The following COL15A1 variants were observed in gnomAD, a reference collection of about 807,000 sequenced individuals.
The protein encoded by COL15A1 is collagen alpha-1(XV) chain.
In COL15A1, 111 loss-of-function variants were observed where a neutral mutation model predicts 165.9. That is an observed-to-expected ratio of 0.67 (90% CI 0.57 to 0.78). COL15A1 has a LOEUF of 0.78. COL15A1 is among the 30% of genes least tolerant of loss of function. The pLI, the probability that COL15A1 is intolerant of heterozygous loss-of-function variation, is 0.00. For synonymous variants in COL15A1, 659 were observed against 674.8 expected, an observed-to-expected ratio of 0.98 and a Z score of 0.36; for missense variants, 1,745 against 1,789.7, an observed-to-expected ratio of 0.98 and a Z score of 0.45.
In COL15A1 at chr9:99,015,575, C is replaced by A. The variant is rs1056786986; in HGVS notation, c.1503+9C>A. The A allele has an allele frequency of 2.5e-6, 4 of 1,612,524 alleles. No homozygotes were observed. The highest frequency in any genetic ancestry group is 3.3e-5 in the Admixed American group (2 of 59,934). On this transcript the variant is annotated intron_variant, in intron 10 of 41. Coordinates refer to ENST00000375001, the MANE Select transcript of COL15A1 (RefSeq NM_001855.5). Reference sequence around the variant, plus strand: ...AGCGGGCAGTCACTTCTGTAAGTGTCATCTTGTGTCCTCTCTGGCTCACAG... The same window carrying A: ...AGCGGGCAGTCACTTCTGTAAGTGTAATCTTGTGTCCTCTCTGGCTCACAG...
chr9:99,009,604 A>G (rs995115084), intron 9 of COL15A1, among the ~76,000 whole-genome samples: 4 of 152,220 alleles, frequency 2.6e-5, no homozygotes, highest in Non-Finnish European at 5.9e-5. Flanking sequence ...TAAAAAGTAT[A>G]AAACACTTGA....
intron 9 of COL15A1, among the ~76,000 whole-genome samples, chr9:99,007,630 C>A (rs535909450): frequency 2.0e-5 from 3 of 152,138 alleles, no homozygotes; most frequent in Non-Finnish European, 4.4e-5. Flanking sequence ...GAAGAACAAT[C>A]CTGGAAAATT....
At position 99,000,881 on chromosome 9, in the gene COL15A1, C is replaced by G. The variant is rs145241405; in HGVS notation, c.995C>G (p.Ser332Cys). Residue 332 changes from serine to cysteine, a missense_variant, in exon 7 of 42, where the codon TCT (serine) becomes TGT (cysteine). By Grantham distance (112) the Ser-to-Cys change is moderately radical. Transcript: ENST00000375001. ...ILNDTLEGVH[S>C]VDGDPITDSG... ...AATGACACACTGGAGGGGGTTCATT[C>G]TGTGGATGGTGACCCCATTACTGAC... The G allele has an allele frequency of 3.1e-6, 5 of 1,605,520 alleles. No homozygotes were observed. The African/African-American group carries it at 6.7e-5, about 21-fold the overall frequency.
At chr9:98,994,956 T>G (rs966912368) in intron 5 of COL15A1, among the ~76,000 whole-genome samples, 5 of 152,004 alleles carry the variant, frequency 3.3e-5, no homozygotes, top group African/African-American at 1.2e-4. Flanking sequence ...CACCCTGAGT[T>G]ACAGAGCTCA....
chr9:98,962,304 C>G (rs559709835), intron 2 of COL15A1, among the ~76,000 whole-genome samples: 1 of 152,088 alleles, frequency 6.6e-6, no homozygotes, highest in Admixed American at 6.6e-5. Flanking sequence ...TGGTTGTACC[C>G]GTGAGACGTG....
chr9:99,005,147 C>T (rs1422239647), intron 9 of COL15A1, 97 bp downstream of exon 9: 1 of 1,287,532 alleles, frequency 7.8e-7, no homozygotes, highest in African/African-American at 1.5e-5. Context: ...CCCATGGGAG[C>T]CTGAGGCACG....
chr9:98,994,041 T>G (rs1188401090), intron 5 of COL15A1, among the ~76,000 whole-genome samples: 1 of 151,464 alleles, frequency 6.6e-6, no homozygotes, highest in African/African-American at 2.4e-5. Flanking sequence ...AGTTCTATGC[T>G]GTTGGAATTA....
chr9:98,998,150 T>C (rs1838580771), intron 6 of COL15A1, among the ~76,000 whole-genome samples: 1 of 152,252 alleles, frequency 6.6e-6, no homozygotes, highest in Admixed American at 6.5e-5. Flanking sequence ...GTGTATTAGA[T>C]ACATCACATA....
chr9:98,981,828 C>T (rs2118872819), intron 2 of COL15A1, among the ~76,000 whole-genome samples: 1 of 152,210 alleles, frequency 6.6e-6, no homozygotes, highest in East Asian at 1.9e-4. Context: ...TTTTTAGAGA[C>T]AGGTCTCACT....
At chr9:99,064,325 G>A (rs1825861737) in intron 39 of COL15A1, among the ~76,000 whole-genome samples, 1 of 152,036 alleles carries the variant, frequency 6.6e-6, no homozygotes, top group Non-Finnish European at 1.5e-5. Context: ...TGAGTTTGAA[G>A]GTCTAAGGCC....
chr9:99,017,494 A>G (rs1042130052), intron 11 of COL15A1, among the ~76,000 whole-genome samples: 4 of 152,184 alleles, frequency 2.6e-5, no homozygotes, highest in African/African-American at 9.6e-5. Flanking sequence ...GTCATCATCT[A>G]TAAAAGGAAA....
rs1564043324 is a variant in COL15A1, at chr9:99,000,858, T to G, written c.972T>G (p.Asn324Lys). 2.5e-6 allele frequency: 4 copies of G among 1,583,512 alleles called. No homozygotes were observed. The highest frequency in any genetic ancestry group is 3.5e-6 in the Non-Finnish European group (4 of 1,153,004). Residue 324 changes from asparagine (N) to lysine (K), a missense_variant, in exon 7 of 42, where the codon AAT (asparagine) becomes AAG (lysine). Transcript: ENST00000375001. ...CTGTAGGGTCTGGTGAGATCCTGAA[T>G]GACACACTGGAGGGGGTTCATTCTG... ...SPKQGSGEIL[N>K]DTLEGVHSVD...
chr9:98,971,754 G>A (rs183353737), intron 2 of COL15A1, among the ~76,000 whole-genome samples: 7 of 152,362 alleles, frequency 4.6e-5, no homozygotes, highest in Middle Eastern at 3.4e-3. Context: ...GCGCATGCAC[G>A]TGGGCATGTG....
At chr9:99,028,652 G>GA (rs796117603) in intron 16 of COL15A1, among the ~76,000 whole-genome samples, 20 of 151,496 alleles carry the variant, frequency 1.3e-4, no homozygotes, top group African/African-American at 4.4e-4. Flanking sequence ...TCCGTCTCCA[G>GA]AAAAAATTGA....
In COL15A1 at chr9:98,959,240, A is replaced by AAAC. The variant is rs1837827892; in HGVS notation, c.100+14992_100+14993insCAA. On this transcript the variant is annotated intron_variant, in intron 2 of 41. Coordinates refer to ENST00000375001, the MANE Select transcript of COL15A1 (RefSeq NM_001855.5). ...ACCCTGTCTCTACAAAAAAAAAAAAAAAAAAAACTAAAAACTAAAATGATC... is the reference window on the plus strand; with the variant it reads ...ACCCTGTCTCTACAAAAAAAAAAAAAAACAAAAAAACTAAAAACTAAAATGATC... Among the ~76,000 whole-genome samples, 5 of 151,558 alleles carry AAAC rather than the reference A, an allele frequency of 3.3e-5. No individual in the cohort carries two copies. The South Asian group carries it at 8.4e-4, about 25-fold the overall frequency.
chr9:99,033,994 G>T (rs1259500523), intron 16 of COL15A1, among the ~76,000 whole-genome samples: 1 of 152,076 alleles, frequency 6.6e-6, no homozygotes, highest in Admixed American at 6.6e-5. Context: ...CTGTAGTGTG[G>T]TCCCCACTGG....
At chr9:98,949,921 GAA>G (rs911144228) in intron 2 of COL15A1, among the ~76,000 whole-genome samples, 2 of 152,284 alleles carry the variant, frequency 1.3e-5, no homozygotes, top group African/African-American at 4.8e-5. Flanking sequence ...GATATTTCAT[GAA>G]AATGGAATCA....
intron 12 of COL15A1, among the ~76,000 whole-genome samples, chr9:99,021,795 C>T (rs764979141): frequency 2.0e-5 from 3 of 152,178 alleles, no homozygotes; most frequent in Admixed American, 6.5e-5. Context: ...TCTAGCAGGG[C>T]CCAGATCAGA....
chr9:99,035,236 C>T (rs1033991535), intron 18 of COL15A1, 82 bp downstream of exon 18: 24 of 1,582,084 alleles, frequency 1.5e-5, no homozygotes, highest in Non-Finnish European at 1.7e-5. Context: ...ACCCTGGTCT[C>T]AGGGCAGAGG....
Sources: allele counts gnomAD v4.1 joint callset (sites outside exome capture counted in the v4.1 genomes callset), GRCh38; gene constraint gnomAD v4.1.1; transcripts MANE v1.5; gene names NCBI Gene and HGNC (gene_info 2026-07-23, HGNC 2026-07-21).